Variants in GPHN observed in about 807,000 individuals in gnomAD.
The protein encoded by GPHN is gephyrin.
A neutral mutation model predicts 95.5 loss-of-function variants in GPHN; 17 were observed. The ratio of observed to expected loss-of-function variants is 0.18; its 90% confidence interval spans 0.12 to 0.27. The LOEUF is 0.27. Ranked by LOEUF, GPHN falls within the 10% of genes least tolerant of loss-of-function variation. GPHN has a pLI of 1.00. For synonymous variants in GPHN, 320 were observed against 322.5 expected (o/e 0.99, Z 0.08); for missense variants, 660 against 978.1 (o/e 0.67, Z 4.34).
chr14:67,231,625 A>T, the GPHN span, among the ~76,000 whole-genome samples: 3 of 152,078 alleles, frequency 2.0e-5, no homozygotes, highest in Admixed American at 2.0e-4. Flanking sequence ...TAGTGTGTAT[A>T]TTTATCCAAC....
chr14:67,151,560 C>T (rs1039850506), intron 18 of GPHN, among the ~76,000 whole-genome samples: 3 of 152,216 alleles, frequency 2.0e-5, no homozygotes, highest in Middle Eastern at 3.4e-3. Context: ...AATAGAGAAA[C>T]CAAAAGTTAC....
the GPHN span, among the ~76,000 whole-genome samples, chr14:67,715,773 A>C: frequency 1.3e-5 from 2 of 152,210 alleles, no homozygotes; most frequent in Non-Finnish European, 2.9e-5. Context: ...ATAACCAGGG[A>C]GAGATTACTG....
intron 1 of GPHN, among the ~76,000 whole-genome samples, chr14:66,585,168 A>T (rs1233248339): frequency 1.3e-5 from 2 of 152,052 alleles, no homozygotes; most frequent in Non-Finnish European, 2.9e-5. Context: ...TTTCTAGTTT[A>T]TTTGTGTAGA....
intron 8 of GPHN, among the ~76,000 whole-genome samples, chr14:66,930,543 T>G (rs2066733394): frequency 7.0e-6 from 1 of 142,242 alleles, no homozygotes; most frequent in Non-Finnish European, 1.5e-5. Context: ...TTTTTTTTTT[T>G]GAGACAGGGT....
intron 21 of GPHN, among the ~76,000 whole-genome samples, chr14:67,177,655 T>A (rs1370574592): frequency 2.0e-5 from 3 of 152,210 alleles, no homozygotes; most frequent in Non-Finnish European, 4.4e-5. Flanking sequence ...GTCTTGTTGA[T>A]CTGTCTAATA....
At chr14:67,213,270 C>T in the GPHN span, among the ~76,000 whole-genome samples, 2 of 148,560 alleles carry the variant, frequency 1.3e-5, no homozygotes, top group African/African-American at 5.0e-5. Context: ...CCCATTAACT[C>T]GTCATTTAGC....
the GPHN span, among the ~76,000 whole-genome samples, chr14:67,715,857 A>T: frequency 6.6e-6 from 1 of 152,210 alleles, no homozygotes. Context: ...TGCTGGGGGA[A>T]CACAAATGTA....
At chr14:67,724,590 A>G in the GPHN span, 1 of 1,610,420 alleles carries the variant, frequency 6.2e-7, no homozygotes, top group Non-Finnish European at 8.5e-7. Context: ...TCGCTAGCCG[A>G]GGTAAGTGTT....
At chr14:67,728,139 T>G in the GPHN span, 1 of 152,248 alleles carries the variant, frequency 6.6e-6, no homozygotes, top group African/African-American at 2.4e-5. Flanking sequence ...CTGCTGGCTC[T>G]GACATCTGCG....
At chr14:67,105,356 C>T (rs1347517871) in intron 13 of GPHN, among the ~76,000 whole-genome samples, 1 of 152,044 alleles carries the variant, frequency 6.6e-6, no homozygotes, top group African/African-American at 2.4e-5. Flanking sequence ...TCCATTTGAT[C>T]TAAAATGCAG....
intron 1 of GPHN, among the ~76,000 whole-genome samples, chr14:66,647,739 C>G (rs1382209295): frequency 1.3e-5 from 2 of 152,092 alleles, no homozygotes; most frequent in Non-Finnish European, 2.9e-5. Flanking sequence ...TGGTTTTAGA[C>G]ATCAGTTGAT....
chr14:67,645,739 C>T, the GPHN span: 1 of 1,613,932 alleles, frequency 6.2e-7, no homozygotes, highest in African/African-American at 1.3e-5. Flanking sequence ...CACCCCTTAC[C>T]ACTTCATCAG....
intron 3 of GPHN, among the ~76,000 whole-genome samples, chr14:66,785,158 G>A (rs562910197): frequency 9.9e-5 from 15 of 152,154 alleles, no homozygotes; most frequent in Non-Finnish European, 1.5e-4. Flanking sequence ...ACCTGAGGTC[G>A]GGAGTTCTAG....
At chr14:67,149,212 C>T (rs963172236) in intron 18 of GPHN, among the ~76,000 whole-genome samples, 10 of 152,082 alleles carry the variant, frequency 6.6e-5, no homozygotes, top group East Asian at 2.0e-4. Flanking sequence ...GGCGTGGTGG[C>T]GGGCGCCTGT....
chr14:67,388,116 G>A, the GPHN span: 17 of 697,786 alleles, frequency 2.4e-5, no homozygotes, highest in Non-Finnish European at 4.1e-5. Context: ...GTCTCATGGA[G>A]AAAGCCCTGC....
chr14:66,706,941 A>C (rs1255560859), intron 2 of GPHN, among the ~76,000 whole-genome samples: 1 of 152,196 alleles, frequency 6.6e-6, no homozygotes, highest in Non-Finnish European at 1.5e-5. Flanking sequence ...TCCAGAATTC[A>C]TAAGGAATTT....
At chr14:66,682,682 G>A (rs61989575) in intron 2 of GPHN, among the ~76,000 whole-genome samples, 1,702 of 152,218 alleles carry the variant, frequency 0.011, 14 homozygotes, top group Middle Eastern at 0.024. Flanking sequence ...CCCGGGTGGC[G>A]GAGGTTTCAG....
the GPHN span, among the ~76,000 whole-genome samples, chr14:67,713,570 TAGG>T: frequency 6.6e-6 from 1 of 152,182 alleles, no homozygotes; most frequent in Non-Finnish European, 1.5e-5. Flanking sequence ...CAGGCACTGA[TAGG>T]AGATTTGTCA....
chr14:67,455,596 A>G, the GPHN span, among the ~76,000 whole-genome samples: 1 of 152,240 alleles, frequency 6.6e-6, no homozygotes, highest in South Asian at 2.1e-4. Context: ...AATAAATAAT[A>G]AATGAAAAGC....
Sources: gnomAD v4.1 joint callset for allele counts (sites outside exome capture counted in the v4.1 genomes callset) on GRCh38, gnomAD v4.1.1 for gene constraint, MANE v1.5 for transcripts, NCBI Gene and HGNC (gene_info 2026-07-23, HGNC 2026-07-21) for gene names.